Variants in KCNIP4 observed in about 807,000 individuals in gnomAD.
KCNIP4 encodes the protein potassium voltage-gated channel interacting protein 4.
A neutral mutation model predicts 34.0 loss-of-function variants in KCNIP4; 12 were observed. The ratio of observed to expected loss-of-function variants is 0.35; its 90% CI spans 0.23 to 0.57. The LOEUF is 0.57. Ranked by LOEUF, KCNIP4 falls within the 20% of genes least tolerant of loss-of-function variation. KCNIP4 has a pLI of 0.83. For missense variants in KCNIP4, 238 were observed against 311.7 expected (o/e 0.76, Z 1.78); for synonymous variants, 124 against 102.2 (o/e 1.21, Z -1.29).
intron 1 of KCNIP4, among the ~76,000 whole-genome samples, chr4:21,491,426 G>A (rs967867708): frequency 6.6e-6 from 1 of 152,140 alleles, no homozygotes; most frequent in African/African-American, 2.4e-5. Flanking sequence ...CCAGGCTGGA[G>A]TGCAATGGTG....
intron 1 of KCNIP4, among the ~76,000 whole-genome samples, chr4:21,122,976 C>A (rs1386727480): frequency 6.6e-6 from 1 of 152,016 alleles, no homozygotes; most frequent in Non-Finnish European, 1.5e-5. Flanking sequence ...TTTGGGAGGC[C>A]AAGGCGGGCA....
chr4:21,032,411 C>T (rs1050865937), intron 1 of KCNIP4, among the ~76,000 whole-genome samples: 3 of 152,214 alleles, frequency 2.0e-5, no homozygotes, highest in South Asian at 2.1e-4. Context: ...TGCTAAGGGT[C>T]TGTTATTGGC....
intron 1 of KCNIP4, among the ~76,000 whole-genome samples, chr4:21,043,455 T>C (rs1310450693): frequency 6.6e-6 from 1 of 151,776 alleles, no homozygotes; most frequent in African/African-American, 2.4e-5. Context: ...TCAGCCTCCC[T>C]AGTAGCTGGG....
intron 1 of KCNIP4, among the ~76,000 whole-genome samples, chr4:21,784,036 G>A (rs919415390): frequency 2.7e-5 from 4 of 148,684 alleles, no homozygotes; most frequent in African/African-American, 4.9e-5. Flanking sequence ...AAGGAAAGAC[G>A]TTTAATTGAC....
intron 1 of KCNIP4, among the ~76,000 whole-genome samples, chr4:20,945,912 C>T (rs766754803): frequency 4.3e-4 from 66 of 151,772 alleles, no homozygotes; most frequent in Non-Finnish European, 7.6e-4. Context: ...TCATGGCAGT[C>T]GCTCAAATCA....
At chr4:21,729,201 T>C (rs561626071) in intron 1 of KCNIP4, among the ~76,000 whole-genome samples, 1 of 152,280 alleles carries the variant, frequency 6.6e-6, no homozygotes, top group African/African-American at 2.4e-5. Context: ...TATATTTGAA[T>C]AGGAATCATT....
intron 1 of KCNIP4, among the ~76,000 whole-genome samples, chr4:21,790,967 C>CAAAAAAA (rs1491416302): frequency 3.5e-5 from 1 of 28,686 alleles, no homozygotes; most frequent in Admixed American, 8.0e-4. Flanking sequence ...CTGCGCACTC[C>CAAAAAAA]ACAAAAAAAA....
intron 5 of KCNIP4, among the ~76,000 whole-genome samples, chr4:20,736,568 T>G (rs1241340461): frequency 6.6e-6 from 1 of 152,206 alleles, no homozygotes; most frequent in African/African-American, 2.4e-5. Flanking sequence ...TTTTCTAATT[T>G]TTATATGTTT....
chr4:21,468,779 C>T (rs1730206990), intron 1 of KCNIP4, among the ~76,000 whole-genome samples: 1 of 152,188 alleles, frequency 6.6e-6, no homozygotes, highest in Non-Finnish European at 1.5e-5. Flanking sequence ...ATCAAATTAA[C>T]TCCACCTTAA....
At chr4:21,624,577 A>T (rs533852547) in intron 1 of KCNIP4, among the ~76,000 whole-genome samples, 2 of 152,328 alleles carry the variant, frequency 1.3e-5, no homozygotes, top group South Asian at 4.1e-4. Context: ...CTAAAAAGTT[A>T]TCATATTTCA....
At chr4:21,066,595 C>T (rs952216310) in intron 1 of KCNIP4, among the ~76,000 whole-genome samples, 2 of 152,056 alleles carry the variant, frequency 1.3e-5, no homozygotes, top group East Asian at 3.9e-4. Context: ...AGGGAGAATG[C>T]AGTGATTGTG....
chr4:21,309,852 A>C (rs1380852112), intron 1 of KCNIP4, among the ~76,000 whole-genome samples: 1 of 152,204 alleles, frequency 6.6e-6, no homozygotes, highest in African/African-American at 2.4e-5. Context: ...AAGTACCATG[A>C]GATCAGGGAA....
chr4:21,516,271 A>G (rs902752849), intron 1 of KCNIP4, among the ~76,000 whole-genome samples: 1 of 152,272 alleles, frequency 6.6e-6, no homozygotes, highest in East Asian at 1.9e-4. Context: ...TAATATACAT[A>G]AGTTCTCTTC....
At chr4:21,799,585 CTT>C (rs1275272517) in intron 1 of KCNIP4, among the ~76,000 whole-genome samples, 3 of 152,106 alleles carry the variant, frequency 2.0e-5, no homozygotes, top group Admixed American at 2.0e-4. Flanking sequence ...TTAGTTATGA[CTT>C]TAACACGTTA....
chr4:20,793,849 C>T (rs1713094541), intron 3 of KCNIP4, among the ~76,000 whole-genome samples: 1 of 151,952 alleles, frequency 6.6e-6, no homozygotes, highest in Admixed American at 6.6e-5. Context: ...CAACCTAGAT[C>T]CCTCATGATA....
At chr4:21,594,559 G>C (rs1183357904) in intron 1 of KCNIP4, among the ~76,000 whole-genome samples, 2 of 152,006 alleles carry the variant, frequency 1.3e-5, no homozygotes, top group Non-Finnish European at 2.9e-5. Context: ...ATAGAAACCA[G>C]CATTAGAAAT....
intron 3 of KCNIP4, among the ~76,000 whole-genome samples, chr4:20,760,853 G>C (rs1326736139): frequency 6.6e-6 from 1 of 152,176 alleles, no homozygotes; most frequent in Admixed American, 6.6e-5. Context: ...GAGCAAGCAA[G>C]CAAGCAAGTG....
chr4:20,869,461 TATA>T (rs1723214056), intron 2 of KCNIP4, among the ~76,000 whole-genome samples: 1 of 152,046 alleles, frequency 6.6e-6, no homozygotes, highest in African/African-American at 2.4e-5. Context: ...TTGTTGTTCA[TATA>T]ATGAGTAGTA....
chr4:21,620,659 G>A (rs1402439090), intron 1 of KCNIP4, among the ~76,000 whole-genome samples: 1 of 152,170 alleles, frequency 6.6e-6, no homozygotes, highest in African/African-American at 2.4e-5. Context: ...AAAAATAGTT[G>A]CAAAGATTTC....
Sources: allele counts gnomAD v4.1 joint callset (sites outside exome capture counted in the v4.1 genomes callset), GRCh38; gene constraint gnomAD v4.1.1; transcripts MANE v1.5; gene names NCBI Gene and HGNC (gene_info 2026-07-23, HGNC 2026-07-21).